PLLP: variants seen among roughly 807,000 people sequenced by gnomAD.
PLLP encodes plasmolipin.
PLLP carries 15 observed loss-of-function variants against 19.7 expected under a neutral mutation model. The ratio of observed to expected loss-of-function variants is 0.76; its 90% CI spans 0.51 to 1.17. PLLP has a LOEUF of 1.17. Among genes scored for constraint, PLLP ranks in the 50% most tolerant of loss-of-function variants. PLLP has a pLI of 0.00. For synonymous variants in PLLP, 111 were observed against 116.3 expected, an observed-to-expected ratio of 0.95 and a Z score of 0.29; for missense variants, 255 against 258.3, an observed-to-expected ratio of 0.99 and a Z score of 0.09.
chr16:57,278,232 C>T (rs991640771), intron 1 of PLLP, among the ~76,000 whole-genome samples: 4 of 151,930 alleles, frequency 2.6e-5, no homozygotes, highest in Non-Finnish European at 5.9e-5. Context: ...CCCAGCTATT[C>T]GGGAGGCTGA....
chr16:57,278,950 C>T lies in PLLP; in HGVS notation c.135+5456G>A, dbSNP rs1901185715. 2.0e-5 allele frequency among the ~76,000 whole-genome samples: 3 copies of T among 152,170 alleles called. No individual in the cohort carries two copies. The South Asian group carries it at 6.2e-4, about 31-fold the overall frequency. ...CGGTATCACCATAAGGAAGAACTTT[C>T]CAACACTCCCAAGTGCCCAAGGATG... On this transcript the variant is annotated intron_variant, in intron 1 of 3. Transcript: ENST00000219207.
At chr16:57,261,300 C>T (rs1411048489) in intron 2 of PLLP, among the ~76,000 whole-genome samples, 1 of 152,060 alleles carries the variant, frequency 6.6e-6, no homozygotes, top group South Asian at 2.1e-4. Context: ...CCACCACACC[C>T]GGCCGGGAAA....
intron 1 of PLLP, among the ~76,000 whole-genome samples, chr16:57,266,180 C>G (rs1265436006): frequency 6.6e-6 from 1 of 152,154 alleles, no homozygotes; most frequent in African/African-American, 2.4e-5. Context: ...CCCAGGCTCC[C>G]CCCACTGCCC....
At chr16:57,279,516 T>C (rs766142326) in intron 1 of PLLP, among the ~76,000 whole-genome samples, 13 of 151,756 alleles carry the variant, frequency 8.6e-5, no homozygotes, top group Non-Finnish European at 1.3e-4. Flanking sequence ...TTACAAAAAA[T>C]ATAAAAACTT....
At chr16:57,259,571 C>T (rs1411944641) in intron 2 of PLLP, among the ~76,000 whole-genome samples, 4 of 152,228 alleles carry the variant, frequency 2.6e-5, no homozygotes, top group African/African-American at 9.6e-5. Context: ...TCTTCAAACG[C>T]CTGGTCCTCA....
chr16:57,262,552 CA>C (rs1221671065), intron 1 of PLLP, among the ~76,000 whole-genome samples: 24 of 45,240 alleles, frequency 5.3e-4, no homozygotes, highest in Non-Finnish European at 1.1e-3. Context: ...AAATCCGTCT[CA>C]AAAAGCAAAA....
At chr16:57,263,803 G>A (rs1183037541) in intron 1 of PLLP, among the ~76,000 whole-genome samples, 6 of 151,544 alleles carry the variant, frequency 4.0e-5, no homozygotes, top group Non-Finnish European at 8.8e-5. Flanking sequence ...CCCTGGCCAC[G>A]GAGAGGACAC....
At position 57,260,058 on chromosome 16, in the gene PLLP, G is replaced by A. The variant is rs572139775; in HGVS notation, c.310-1474C>T. ...TTCCCACTAGGAACAGATGAAGTGAGTATAGAGGCAGCTTGCGATGGGCAG... is the reference window on the plus strand; with the variant it reads ...TTCCCACTAGGAACAGATGAAGTGAATATAGAGGCAGCTTGCGATGGGCAG... On this transcript the variant is annotated intron_variant, in intron 2 of 3. Coordinates refer to ENST00000219207, the MANE Select transcript of PLLP (RefSeq NM_015993.3). 6.6e-5 allele frequency among the ~76,000 whole-genome samples: 10 copies of A among 152,040 alleles called. 1 individual carries two copies. The South Asian group carries it at 2.1e-3, about 32-fold the overall frequency.
intron 1 of PLLP, among the ~76,000 whole-genome samples, chr16:57,273,399 C>T (rs1212575944): frequency 2.0e-5 from 3 of 152,192 alleles, no homozygotes; most frequent in Non-Finnish European, 4.4e-5. Flanking sequence ...GTGTCTGTTC[C>T]CTAGCAGCTC....
intron 1 of PLLP, among the ~76,000 whole-genome samples, chr16:57,267,719 A>C (rs564782837): frequency 6.6e-6 from 1 of 151,762 alleles, no homozygotes; most frequent in East Asian, 1.9e-4. Context: ...CTCTACTAAA[A>C]ATACAAAAAA....
intron 1 of PLLP, among the ~76,000 whole-genome samples, chr16:57,265,422 AG>A (rs1159589707): frequency 3.9e-5 from 6 of 152,250 alleles, no homozygotes; most frequent in African/African-American, 1.4e-4. Context: ...TTTCATTTAA[AG>A]CCAATTCCTC....
intron 2 of PLLP, among the ~76,000 whole-genome samples, chr16:57,259,991 A>C (rs1190561604): frequency 6.6e-6 from 1 of 152,030 alleles, no homozygotes; most frequent in Non-Finnish European, 1.5e-5. Context: ...AAAAAAAAAA[A>C]AAACTTAGGA....
intron 2 of PLLP, among the ~76,000 whole-genome samples, chr16:57,260,368 G>A (rs1458986799): frequency 6.6e-6 from 1 of 152,160 alleles, no homozygotes; most frequent in Non-Finnish European, 1.5e-5. Context: ...TATCTCTGGA[G>A]ATTTCTCTCT....
chr16:57,284,364 G>A, intron 1 of PLLP, 42 bp downstream of exon 1: 2 of 1,330,920 alleles, frequency 1.5e-6, no homozygotes, highest in Non-Finnish European at 1.9e-6. Flanking sequence ...TGGCCGGACC[G>A]GGAGCCCCCG....
At chr16:57,269,243 T>C (rs2075466949) in intron 1 of PLLP, among the ~76,000 whole-genome samples, 1 of 152,184 alleles carries the variant, frequency 6.6e-6, no homozygotes, top group Non-Finnish European at 1.5e-5. Flanking sequence ...AGGGAGGGGT[T>C]TGACCAACCC....
At chr16:57,281,502 A>AT (rs1297960771) in intron 1 of PLLP, among the ~76,000 whole-genome samples, 16 of 110,596 alleles carry the variant, frequency 1.4e-4, no homozygotes, top group South Asian at 4.1e-4. Context: ...CAACAAGCAG[A>AT]TTTTTTTTTT....
At chr16:57,280,487 GC>G (rs1405213327) in intron 1 of PLLP, among the ~76,000 whole-genome samples, 1 of 151,734 alleles carries the variant, frequency 6.6e-6, no homozygotes, top group Non-Finnish European at 1.5e-5. Context: ...TAGCACTGAT[GC>G]CTTTTTTTTT....
At chr16:57,263,915 G>A (rs1334628486) in intron 1 of PLLP, among the ~76,000 whole-genome samples, 1 of 152,200 alleles carries the variant, frequency 6.6e-6, no homozygotes, top group Non-Finnish European at 1.5e-5. Context: ...CCAAGGCTGC[G>A]TAGTGACCTT....
intron 1 of PLLP, among the ~76,000 whole-genome samples, chr16:57,262,420 C>T (rs935390281): frequency 3.3e-5 from 5 of 152,202 alleles, no homozygotes; most frequent in Admixed American, 2.0e-4. Flanking sequence ...GGCATGGTGG[C>T]GTGTGCCTGT....
Sources: gnomAD v4.1 joint callset for allele counts (sites outside exome capture counted in the v4.1 genomes callset) on GRCh38, gnomAD v4.1.1 for gene constraint, MANE v1.5 for transcripts, NCBI Gene and HGNC (gene_info 2026-07-23, HGNC 2026-07-21) for gene names.